SPTBN1: variants seen among roughly 807,000 people sequenced by gnomAD.
SPTBN1 encodes the protein spectrin beta, non-erythrocytic 1.
In SPTBN1, 32 loss-of-function variants were observed where a neutral mutation model predicts 266.4. The ratio of observed to expected loss-of-function variants is 0.12; its 90% CI spans 0.09 to 0.16. The LOEUF is 0.16. SPTBN1 is among the 10% of genes least tolerant of loss of function. The pLI is 1.00. For missense variants in SPTBN1, 2,296 were observed against 3,067.1 expected, an observed-to-expected ratio of 0.75 and a Z score of 5.94; for synonymous variants, 1,336 against 1,162.2, an observed-to-expected ratio of 1.15 and a Z score of -3.04.
chr2:54,494,071 A>C (rs979040485), intron 1 of SPTBN1, among the ~76,000 whole-genome samples: 2 of 152,228 alleles, frequency 1.3e-5, no homozygotes, highest in Non-Finnish European at 2.9e-5. Flanking sequence ...GTGCTACCCA[A>C]ATCCTGAAAA....
chr2:54,661,847 A>C (rs1681069481), intron 32 of SPTBN1: 21 of 985,460 alleles, frequency 2.1e-5, no homozygotes, highest in Non-Finnish European at 2.0e-5. Context: ...GCACACAAGA[A>C]AAGAGTGCTA....
chr2:54,477,620 G>A (rs983145494), intron 1 of SPTBN1, among the ~76,000 whole-genome samples: 1 of 152,040 alleles, frequency 6.6e-6, no homozygotes, highest in Non-Finnish European at 1.5e-5. Context: ...TTACGATTAA[G>A]ACTGACTGGT....
intron 2 of SPTBN1, among the ~76,000 whole-genome samples, chr2:54,573,953 C>G (rs1441596865): frequency 5.3e-5 from 8 of 152,136 alleles, no homozygotes; most frequent in African/African-American, 1.9e-4. Flanking sequence ...CCCTTCTCCT[C>G]TGGGGTTGCT....
In SPTBN1 at chr2:54,669,600, G is replaced by A. The variant is rs1305604756; in HGVS notation, c.*1031G>A. 6.5e-6 allele frequency: 1 copy of A among 152,678 alleles called. No individual in the cohort carries two copies. The highest frequency in any genetic ancestry group is 6.5e-5 in the Admixed American group (1 of 15,288). 9.5% of individuals were successfully genotyped at this position (152,678 alleles called of 1,614,324 possible). A position where few individuals can be genotyped will look rare whatever the true frequency, so the allele number is the denominator to read the frequency against. ...GGTGGTCGCTCAGGCCTGGTGCTCA[G>A]TCGTACGACCTGTACCTCTCAACTT... On this transcript the variant is annotated 3_prime_UTR_variant, in exon 36 of 36. Coordinates refer to ENST00000356805, the MANE Select transcript of SPTBN1 (RefSeq NM_003128.3).
chr2:54,668,351 G>A lies in SPTBN1; in HGVS notation c.6877G>A (p.Glu2293Lys). 2 of 1,613,978 alleles carry A rather than the reference G, an allele frequency of 1.2e-6. No homozygotes were observed. The highest frequency in any genetic ancestry group is 1.7e-6 in the Non-Finnish European group (2 of 1,179,904). The change falls in exon 36 of 36, where the codon GAG becomes AAG. Residue 2293 changes from glutamate (E) to lysine (K), a missense_variant and splice_region_variant. Coordinates refer to ENST00000356805, the MANE Select transcript of SPTBN1 (RefSeq NM_003128.3). Reference protein sequence around the residue: ...NEYLFQAKDDEEMNTWIQAIS... With the variant: ...NEYLFQAKDDKEMNTWIQAIS... ...CACCTGTGTCCCTTCCTCTGTCCAG[G>A]AGGAAATGAACACATGGATCCAGGC...
chr2:54,611,795 C>T (rs1473761629), intron 3 of SPTBN1, among the ~76,000 whole-genome samples: 1 of 152,038 alleles, frequency 6.6e-6, no homozygotes, highest in Admixed American at 6.6e-5. Flanking sequence ...TCAGAAAATC[C>T]TCACAGGTGT....
chr2:54,634,314 T>TCAG (rs1299933019), intron 17 of SPTBN1, among the ~76,000 whole-genome samples: 2 of 152,194 alleles, frequency 1.3e-5, no homozygotes, highest in African/African-American at 4.8e-5. Context: ...ATAAAACGTT[T>TCAG]CAGCAGCAGC....
rs1172470060 is a variant in SPTBN1 at position 54,593,840 on chromosome 2, T to TTC, written c.149-5251_149-5250insCT. Reference sequence around the variant, plus strand: ...TGGAAACACTTTTTTTTTTTTTTTTTTTTTTTTTTTGAGACAGAGTCTTAA... The same window carrying TTC: ...TGGAAACACTTTTTTTTTTTTTTTTTTCTTTTTTTTTTGAGACAGAGTCTTAA... On this transcript the variant is annotated intron_variant, in intron 2 of 35. Coordinates refer to ENST00000356805, the MANE Select transcript of SPTBN1 (RefSeq NM_003128.3). Among the ~76,000 whole-genome samples, 4 of 137,066 alleles carry TTC rather than the reference T, an allele frequency of 2.9e-5. No individual in the cohort carries two copies. The East Asian group carries it at 8.4e-4, about 29-fold the overall frequency. 89.9% of individuals were successfully genotyped at this position (137,066 alleles called of 152,430 possible).
At chr2:54,537,355 G>A (rs1671674921) in intron 2 of SPTBN1, among the ~76,000 whole-genome samples, 1 of 152,144 alleles carries the variant, frequency 6.6e-6, no homozygotes, top group Non-Finnish European at 1.5e-5. Flanking sequence ...GGTTTTGATT[G>A]ACCCGGAAGA....
At chr2:54,614,905 A>C (rs939562316) in intron 4 of SPTBN1, among the ~76,000 whole-genome samples, 1 of 152,186 alleles carries the variant, frequency 6.6e-6, no homozygotes, top group Non-Finnish European at 1.5e-5. Context: ...CTTTGTTTCC[A>C]TATGGGCAAA....
chr2:54,615,798 C>T (rs1466409181), intron 4 of SPTBN1, among the ~76,000 whole-genome samples: 3 of 152,230 alleles, frequency 2.0e-5, no homozygotes, highest in Admixed American at 6.5e-5. Context: ...ATGGTGCACA[C>T]AGTGCCCTCA....
chr2:54,653,367 C>T lies in SPTBN1; in HGVS notation c.5578-242C>T, dbSNP rs1426424993. ...TGACTAAACTCTCCTGCCTGTCTTC[C>T]TGTAGCATTTCATTTGTTTTATCAT... On this transcript the variant is annotated intron_variant, in intron 26 of 35. Coordinates refer to ENST00000356805, the MANE Select transcript of SPTBN1 (RefSeq NM_003128.3). The surrounding 1 kb of genome is among the most constrained non-coding windows in gnomAD (Gnocchi z 5.1). The T allele has an allele frequency of 1.9e-5, 10 of 518,584 alleles. No individual in the cohort carries two copies. Among genetic ancestry groups the T allele is most frequent in the Non-Finnish European group, 3.1e-5 (10 of 317,600 alleles). The allele number at this position is 518,584 out of a possible 1,614,324, so 32.1% of individuals were successfully genotyped here. A position where few individuals can be genotyped will look rare whatever the true frequency, so the allele number is the denominator to read the frequency against.
At chr2:54,470,692 A>G (rs771017720) in intron 1 of SPTBN1, among the ~76,000 whole-genome samples, 12 of 152,158 alleles carry the variant, frequency 7.9e-5, no homozygotes, top group Non-Finnish European at 1.8e-4. Flanking sequence ...TGTTCTGTTC[A>G]CCAGAACAGG....
In SPTBN1 at chr2:54,622,393, A is replaced by G; in HGVS notation, c.970A>G (p.Ile324Val). 3 of 1,614,248 alleles carry G rather than the reference A, an allele frequency of 1.9e-6. No individual in the cohort carries two copies. The highest frequency in any genetic ancestry group is 2.5e-6 in the Non-Finnish European group (3 of 1,180,046). Reference sequence around the variant, plus strand: ...GGAATGGATTGAACAAACCATCATCATTCTGAACAATCGCAAATTTGCCAA... The same window carrying G: ...GGAATGGATTGAACAAACCATCATCGTTCTGAACAATCGCAAATTTGCCAA... ...LLEWIEQTII[I>V]LNNRKFANSL... The change falls in exon 9 of 36, where the codon ATT becomes GTT. Residue 324 changes from isoleucine (I) to valine (V), a missense_variant. By Grantham distance (29) the Ile-to-Val change is conservative. This residue lies in a region of SPTBN1 where 148 missense variants were observed against 203.8 expected (regional missense o/e 0.73). Coordinates refer to ENST00000356805, the MANE Select transcript of SPTBN1 (RefSeq NM_003128.3).
intron 10 of SPTBN1, 55 bp from the exon 11 acceptor site, chr2:54,624,749 C>T (rs1162394858): frequency 6.2e-7 from 1 of 1,607,144 alleles, no homozygotes; most frequent in South Asian, 1.1e-5. Flanking sequence ...ACGGAAGTTT[C>T]CTTGAACACT....
intron 23 of SPTBN1, 24 bp from the exon 24 acceptor site, chr2:54,647,107 T>A: frequency 6.2e-7 from 1 of 1,614,078 alleles, no homozygotes; most frequent in Non-Finnish European, 8.5e-7. Context: ...CCGCTATGGT[T>A]GTGATGTTCT....
intron 1 of SPTBN1, among the ~76,000 whole-genome samples, chr2:54,471,522 G>A (rs1339238024): frequency 6.6e-6 from 1 of 151,748 alleles, no homozygotes; most frequent in African/African-American, 2.4e-5. Context: ...GACCTGATGG[G>A]AATAAATGGC....
chr2:54,612,075 A>T (rs978470428), intron 3 of SPTBN1, 86 bp from the exon 4 acceptor site: 1 of 1,310,236 alleles, frequency 7.6e-7, no homozygotes, highest in Non-Finnish European at 1.1e-6. Context: ...CATTGCATGA[A>T]TGGGCACATG....
Position 54,631,149 on chromosome 2 carries a change from G to A in SPTBN1, c.3102G>A (p.Leu1034=). The change falls in exon 16 of 36, where the codon CTG becomes CTA. Residue 1034 remains leucine, a synonymous_variant. Transcript: ENST00000356805. ...ACCCCGACCAGGCCCAGGCCATCCT[G>A]TCTCGGCTGGCCGAGATCAGCGACG... The part of the protein sequence containing the change: ...SEHPDQAQAI[L]SRLAEISDVW... 1.9e-6 allele frequency: 3 copies of A among 1,614,234 alleles called. No homozygotes were observed. Among genetic ancestry groups the A allele is most frequent in the Non-Finnish European group, 2.5e-6 (3 of 1,180,040 alleles).
Sources: allele counts gnomAD v4.1 joint callset (sites outside exome capture counted in the v4.1 genomes callset), GRCh38; gene constraint gnomAD v4.1.1; regional missense constraint gnomAD v4.1.1; non-coding constraint Gnocchi (gnomAD v3.1); transcripts MANE v1.5; gene names NCBI Gene and HGNC (gene_info 2026-07-23, HGNC 2026-07-21).